The following PARD3B variants were observed in gnomAD, a reference collection of about 807,000 sequenced individuals.
The protein encoded by PARD3B is partitioning defective 3 homolog B.
PARD3B carries 103 observed loss-of-function variants against 130.2 expected under a neutral mutation model. The ratio of observed to expected loss-of-function variants is 0.79; its 90% confidence interval spans 0.67 to 0.93. PARD3B has a LOEUF of 0.93. Among genes scored for constraint, PARD3B ranks in the 40% least tolerant of loss-of-function variants. The probability of loss-of-function intolerance (pLI) is 0.00; values close to 1 mark genes in which losing one functional copy is unlikely to be tolerated. For synonymous variants in PARD3B, 583 were observed against 553.2 expected, an observed-to-expected ratio of 1.05 and a Z score of -0.76; for missense variants, 1,609 against 1,499.2, an observed-to-expected ratio of 1.07 and a Z score of -1.21.
intron 3 of PARD3B, among the ~76,000 whole-genome samples, chr2:205,019,144 G>A (rs6435267): frequency 6.6e-6 from 1 of 151,746 alleles, no homozygotes; most frequent in South Asian, 2.1e-4. Flanking sequence ...TTTCCCTACT[G>A]TCCAGCCCAA....
chr2:205,617,094 AGGCCTCCAATT>A lies in PARD3B; in HGVS notation c.*1285_*1295del, dbSNP rs1426412148. On this transcript the variant is annotated 3_prime_UTR_variant, in exon 23 of 23. Coordinates refer to ENST00000406610, the MANE Select transcript of PARD3B (RefSeq NM_001302769.2). The stretch of plus-strand genomic sequence containing the variant: ...CTAAAGTCAGGTCAGGGCAGGGCCA[AGGCCTCCAATT>A]GGCAAAGGACAGTGTTATGGCTTTA... The A allele has an allele frequency of 6.5e-6, 1 of 154,434 alleles. No homozygotes were observed. The highest frequency in any genetic ancestry group is 1.5e-5 in the Non-Finnish European group (1 of 68,244). The allele number at this position is 154,434 out of a possible 1,614,324, so 9.6% of individuals were successfully genotyped here.
intron 20 of PARD3B, 150 bp from the exon 21 acceptor site, chr2:205,499,746 A>G (rs1209104184): frequency 4.4e-6 from 4 of 910,118 alleles, no homozygotes; most frequent in Non-Finnish European, 6.4e-6. Flanking sequence ...GTTCATATTT[A>G]TGACTGATTT....
At chr2:205,438,052 A>G (rs1181574006) in intron 19 of PARD3B, among the ~76,000 whole-genome samples, 1 of 152,122 alleles carries the variant, frequency 6.6e-6, no homozygotes, top group Non-Finnish European at 1.5e-5. Flanking sequence ...CCTCCTCAAC[A>G]TGGAGGGACC....
chr2:205,296,150 G>T (rs2041783270), intron 16 of PARD3B, among the ~76,000 whole-genome samples: 2 of 152,148 alleles, frequency 1.3e-5, no homozygotes, highest in African/African-American at 4.8e-5. Context: ...CTCACGATGT[G>T]CCAGGCACCC....
intron 20 of PARD3B, among the ~76,000 whole-genome samples, chr2:205,482,402 C>T (rs2049271825): frequency 6.6e-6 from 1 of 151,232 alleles, no homozygotes; most frequent in African/African-American, 2.4e-5. Context: ...GTCATCTGCC[C>T]AAAAGAAAGG....
chr2:204,650,380 A>T (rs1574619409), intron 1 of PARD3B, among the ~76,000 whole-genome samples: 1 of 152,210 alleles, frequency 6.6e-6, no homozygotes, highest in Non-Finnish European at 1.5e-5. Flanking sequence ...CATTCAACCC[A>T]GCAATCTCAT....
In PARD3B at chr2:205,128,634, A is replaced by G. The variant is rs1289527098; in HGVS notation, c.1434+2897A>G. On this transcript the variant is annotated intron_variant, in intron 10 of 22. Transcript: ENST00000406610. The surrounding 1 kb of genome is among the most constrained non-coding windows in gnomAD (Gnocchi z 4.5). ...ATAATACAGGCAAAGCTTGTAGCAT[A>G]GTTTCTGGCTAATTGTAAGTTCTCA... 6.6e-6 allele frequency among the ~76,000 whole-genome samples: 1 copy of G among 152,170 alleles called. No homozygotes were observed. Among genetic ancestry groups the G allele is most frequent in the Admixed American group, 6.5e-5 (1 of 15,282 alleles).
chr2:204,937,322 A>C (rs561893759), intron 2 of PARD3B, among the ~76,000 whole-genome samples: 2 of 152,240 alleles, frequency 1.3e-5, no homozygotes, highest in South Asian at 2.1e-4. Context: ...CCCCTCTGAC[A>C]CCCATTCAGC....
At chr2:205,451,545 T>G (rs2106196976) in intron 20 of PARD3B, among the ~76,000 whole-genome samples, 1 of 152,264 alleles carries the variant, frequency 6.6e-6, no homozygotes. Context: ...TATATAGTAC[T>G]TTCGTCAAAT....
chr2:205,038,749 C>A (rs776072921), intron 3 of PARD3B, among the ~76,000 whole-genome samples: 6 of 152,266 alleles, frequency 3.9e-5, no homozygotes, highest in South Asian at 2.1e-4. Flanking sequence ...GAATTACTTG[C>A]ATTTGTCCAT....
chr2:205,132,617 G>A (rs557949474), intron 10 of PARD3B, among the ~76,000 whole-genome samples: 4 of 152,202 alleles, frequency 2.6e-5, no homozygotes, highest in East Asian at 1.9e-4. Flanking sequence ...CTCAGCATGC[G>A]CCCGAATCAC....
chr2:205,437,712 G>C (rs1342531580), intron 19 of PARD3B, among the ~76,000 whole-genome samples: 1 of 152,138 alleles, frequency 6.6e-6, no homozygotes, highest in African/African-American at 2.4e-5. Context: ...GGATACCCAA[G>C]AGGTGTTATG....
At chr2:204,806,694 G>A (rs566999305) in intron 2 of PARD3B, among the ~76,000 whole-genome samples, 3 of 152,110 alleles carry the variant, frequency 2.0e-5, no homozygotes, top group Non-Finnish European at 4.4e-5. Context: ...ACTCAACAAA[G>A]TGAAGAGAGA....
intron 11 of PARD3B, among the ~76,000 whole-genome samples, chr2:205,162,225 T>C (rs547770443): frequency 1.3e-5 from 2 of 152,340 alleles, no homozygotes; most frequent in South Asian, 4.1e-4. Flanking sequence ...CTGCTCAGAA[T>C]TATCCAAATG....
chr2:205,050,071 A>G lies in PARD3B; in HGVS notation c.504+2381A>G, dbSNP rs186651841. Among the ~76,000 whole-genome samples, 6 of 152,128 alleles carry G rather than the reference A, an allele frequency of 3.9e-5. No homozygotes were observed. The East Asian group carries it at 9.7e-4, about 25-fold the overall frequency. On this transcript the variant is annotated intron_variant, in intron 4 of 22. Coordinates refer to ENST00000406610, the MANE Select transcript of PARD3B (RefSeq NM_001302769.2). The stretch of plus-strand genomic sequence containing the variant: ...TCTTTATCTAGGGCCAAGTACATGG[A>G]AGATGCTCAGTGTATATGTTTTGGA...
At chr2:205,219,369 C>G (rs2125867506) in intron 15 of PARD3B, among the ~76,000 whole-genome samples, 1 of 152,208 alleles carries the variant, frequency 6.6e-6, no homozygotes, top group African/African-American at 2.4e-5. Context: ...TGGTTGTGTG[C>G]TCTGAAATGA....
chr2:204,545,774 TG>T lies in PARD3B; in HGVS notation c.-223del. The T allele has an allele frequency of 2.3e-6, 1 of 436,076 alleles. No homozygotes were observed. Among genetic ancestry groups the T allele is most frequent in the Non-Finnish European group, 4.0e-6 (1 of 251,246 alleles). The allele number at this position is 436,076 out of a possible 1,614,324, so 27.0% of individuals were successfully genotyped here. ...GCCGCGTCCCGGGCCGCCGGGCACC[TG>T]GGAGGTAACCCCTTTCCGCGGCCGC... On this transcript the variant is annotated 5_prime_UTR_variant, in exon 1 of 23. Coordinates refer to ENST00000406610, the MANE Select transcript of PARD3B (RefSeq NM_001302769.2).
chr2:204,926,040 A>T (rs1025098889), intron 2 of PARD3B, among the ~76,000 whole-genome samples: 1 of 152,030 alleles, frequency 6.6e-6, no homozygotes, highest in South Asian at 2.1e-4. Flanking sequence ...TCCTTTATAA[A>T]TTACCCAGTC....
chr2:205,165,756 A>C (rs569741323), intron 11 of PARD3B, among the ~76,000 whole-genome samples: 5 of 150,686 alleles, frequency 3.3e-5, no homozygotes, highest in Non-Finnish European at 7.4e-5. Context: ...TAAATAAATA[A>C]ATAAATAAAT....
Sources: gnomAD v4.1 joint callset for allele counts (sites outside exome capture counted in the v4.1 genomes callset) on GRCh38, gnomAD v4.1.1 for gene constraint, Gnocchi (gnomAD v3.1) non-coding constraint, MANE v1.5 for transcripts, NCBI Gene and HGNC (gene_info 2026-07-23, HGNC 2026-07-21) for gene names.